Variants in SEMA3A observed in about 807,000 individuals in gnomAD.
The protein encoded by SEMA3A is semaphorin-3A.
SEMA3A carries 29 observed loss-of-function variants against 97.9 expected under a neutral mutation model. That is an observed-to-expected ratio of 0.30 (90% confidence interval 0.22 to 0.40). The LOEUF is 0.40. Among genes scored for constraint, SEMA3A ranks in the 10% least tolerant of loss-of-function variants. SEMA3A has a pLI of 1.00. For missense variants in SEMA3A, 763 were observed against 951.3 expected, an observed-to-expected ratio of 0.80 and a Z score of 2.60; for synonymous variants, 321 against 323.7, an observed-to-expected ratio of 0.99 and a Z score of 0.09.
chr7:84,348,138 A>C (rs1802347353), intron 2 of SEMA3A, among the ~76,000 whole-genome samples: 1 of 152,156 alleles, frequency 6.6e-6, no homozygotes, highest in South Asian at 2.1e-4. Flanking sequence ...AAAGTCAATA[A>C]AAAATGCTGC....
chr7:84,183,767 G>T lies in SEMA3A; in HGVS notation c.112+10708C>A, dbSNP rs549762249. Among the ~76,000 whole-genome samples the T allele has an allele frequency of 6.6e-5, 10 of 152,180 alleles. No individual in the cohort carries two copies. In the South Asian group the frequency reaches 2.1e-3, roughly 32 times the overall value. On this transcript the variant is annotated intron_variant, in intron 1 of 16. Coordinates refer to ENST00000265362, the MANE Select transcript of SEMA3A (RefSeq NM_006080.3). Reference sequence around the variant, plus strand: ...AAAACGCAATAACTCTGGCACAATAGAGACATTCAGCCATGATCTCCTTCT... The same window carrying T: ...AAAACGCAATAACTCTGGCACAATATAGACATTCAGCCATGATCTCCTTCT...
intron 5 of SEMA3A, among the ~76,000 whole-genome samples, chr7:84,054,974 C>G (rs1043582607): frequency 6.6e-6 from 1 of 151,952 alleles, no homozygotes; most frequent in African/African-American, 2.4e-5. Context: ...TGTGAGGTGT[C>G]AGTCTGCCCC....
At chr7:84,150,231 G>T (rs923948014) in intron 1 of SEMA3A, among the ~76,000 whole-genome samples, 3 of 152,194 alleles carry the variant, frequency 2.0e-5, no homozygotes, top group East Asian at 1.9e-4. Flanking sequence ...AATTGCTGTA[G>T]AAGCTGAGAT....
chr7:84,460,070 A>C (rs1805787700), intron 1 of SEMA3A, among the ~76,000 whole-genome samples: 1 of 152,166 alleles, frequency 6.6e-6, no homozygotes, highest in African/African-American at 2.4e-5. Flanking sequence ...TTCTTATTAC[A>C]TGTAACTTTT....
intron 6 of SEMA3A, among the ~76,000 whole-genome samples, chr7:84,037,652 A>C (rs1324652039): frequency 2.0e-5 from 3 of 152,170 alleles, no homozygotes; most frequent in Non-Finnish European, 4.4e-5. Flanking sequence ...AAGCAAAGTA[A>C]TAAAAACCAT....
chr7:84,107,951 T>G (rs1795158161), intron 4 of SEMA3A, among the ~76,000 whole-genome samples: 1 of 152,032 alleles, frequency 6.6e-6, no homozygotes, highest in Non-Finnish European at 1.5e-5. Context: ...GTGAGAAACA[T>G]TTAAGAGGGC....
intron 4 of SEMA3A, among the ~76,000 whole-genome samples, chr7:84,076,202 G>C (rs912706986): frequency 1.3e-5 from 2 of 152,008 alleles, no homozygotes; most frequent in Admixed American, 6.6e-5. Context: ...TCATTTTCTA[G>C]GATAATTATT....
chr7:84,215,351 A>C (rs1374039772), intron 3 of SEMA3A, among the ~76,000 whole-genome samples: 1 of 147,744 alleles, frequency 6.8e-6, no homozygotes. Flanking sequence ...ACACCCAGCT[A>C]ATTTTTTTGT....
intron 12 of SEMA3A, among the ~76,000 whole-genome samples, chr7:84,001,543 GA>G (rs1790452328): frequency 1.3e-5 from 2 of 151,980 alleles, no homozygotes; most frequent in Admixed American, 1.3e-4. Context: ...AAAATTGACT[GA>G]AATGTCTTCA....
chr7:84,405,998 C>T (rs1388307908), intron 1 of SEMA3A, among the ~76,000 whole-genome samples: 2 of 151,952 alleles, frequency 1.3e-5, no homozygotes, highest in African/African-American at 4.8e-5. Context: ...ACTAGAGAAG[C>T]AAAAGGAAAC....
intron 4 of SEMA3A, among the ~76,000 whole-genome samples, chr7:84,109,078 C>A (rs190913452): frequency 6.6e-6 from 1 of 152,120 alleles, no homozygotes; most frequent in African/African-American, 2.4e-5. Flanking sequence ...GTGAGACAAT[C>A]ACCTTGGGCC....
At chr7:84,445,276 G>A (rs1453914579) in intron 1 of SEMA3A, among the ~76,000 whole-genome samples, 1 of 151,578 alleles carries the variant, frequency 6.6e-6, no homozygotes, top group Non-Finnish European at 1.5e-5. Flanking sequence ...CGGATCACGA[G>A]TTCAGGAGAT....
intron 6 of SEMA3A, among the ~76,000 whole-genome samples, chr7:84,015,237 C>T (rs1406633449): frequency 1.4e-5 from 2 of 141,764 alleles, no homozygotes; most frequent in East Asian, 4.1e-4. Flanking sequence ...GTGAAATATA[C>T]GTTCCATGAG....
intron 3 of SEMA3A, among the ~76,000 whole-genome samples, chr7:84,251,169 A>T (rs1026373685): frequency 6.6e-5 from 10 of 152,360 alleles, no homozygotes; most frequent in African/African-American, 2.4e-4. Context: ...TGACACCATT[A>T]ATTTCTTTGT....
At chr7:84,240,477 AG>A (rs1256274996) in intron 3 of SEMA3A, among the ~76,000 whole-genome samples, 9 of 152,308 alleles carry the variant, frequency 5.9e-5, no homozygotes, top group Middle Eastern at 3.4e-3. Flanking sequence ...GGAAGTAGAA[AG>A]AAAGATTTGA....
intron 4 of SEMA3A, among the ~76,000 whole-genome samples, chr7:84,104,625 T>A (rs1326806131): frequency 6.6e-6 from 1 of 152,130 alleles, no homozygotes; most frequent in Non-Finnish European, 1.5e-5. Flanking sequence ...TGGTATCTAT[T>A]TTTTTAGCAT....
At chr7:83,980,290 A>C (rs1789338122) in intron 14 of SEMA3A, among the ~76,000 whole-genome samples, 1 of 152,006 alleles carries the variant, frequency 6.6e-6, no homozygotes, top group Admixed American at 6.6e-5. Flanking sequence ...TATTATCAAG[A>C]GTATGTTTAA....
At chr7:83,972,877 C>T (rs572831843) in intron 15 of SEMA3A, among the ~76,000 whole-genome samples, 16 of 152,116 alleles carry the variant, frequency 1.1e-4, no homozygotes, top group African/African-American at 2.9e-4. Context: ...AGACTTTTTT[C>T]CTCAGCAGAA....
chr7:84,050,087 G>C (rs934248519), intron 5 of SEMA3A, among the ~76,000 whole-genome samples: 2 of 151,168 alleles, frequency 1.3e-5, no homozygotes, highest in African/African-American at 4.9e-5. Context: ...GTGTATATGT[G>C]CCACATTTTC....
Sources: gnomAD v4.1 joint callset for allele counts (sites outside exome capture counted in the v4.1 genomes callset) on GRCh38, gnomAD v4.1.1 for gene constraint, MANE v1.5 for transcripts, NCBI Gene and HGNC (gene_info 2026-07-23, HGNC 2026-07-21) for gene names.